GCSAML: variants seen among roughly 807,000 people sequenced by gnomAD.
GCSAML encodes the protein germinal center associated signaling and motility like, also known as germinal center-associated signaling and motility-like protein.
A neutral mutation model predicts 13.0 loss-of-function variants in GCSAML; 9 were observed. The ratio of observed to expected loss-of-function variants is 0.69; its 90% CI spans 0.42 to 1.21. GCSAML has a LOEUF of 1.21. GCSAML is among the 50% of genes most tolerant of loss of function. The pLI, the probability that GCSAML is intolerant of heterozygous loss-of-function variation, is 0.00. For synonymous variants in GCSAML, 37 were observed against 52.9 expected, an observed-to-expected ratio of 0.70 and a Z score of 1.31; for missense variants, 143 against 153.4, an observed-to-expected ratio of 0.93 and a Z score of 0.36.
chr1:247,549,905 C>T (rs1667708117), intron 1 of GCSAML, among the ~76,000 whole-genome samples: 2 of 152,220 alleles, frequency 1.3e-5, no homozygotes, highest in Non-Finnish European at 2.9e-5. Flanking sequence ...CATCCCACTC[C>T]TCTGTCCGCT....
intron 1 of GCSAML, among the ~76,000 whole-genome samples, chr1:247,552,916 C>T (rs1667827291): frequency 6.6e-6 from 1 of 152,050 alleles, no homozygotes. Flanking sequence ...CCACCATGCC[C>T]GTCTAAGTTT....
At chr1:247,561,517 G>A (rs868719521) in intron 2 of GCSAML, among the ~76,000 whole-genome samples, 6 of 151,960 alleles carry the variant, frequency 3.9e-5, no homozygotes, top group Non-Finnish European at 5.9e-5. Flanking sequence ...CTATATTTTT[G>A]TACCCATTAG....
At chr1:247,549,322 A>G in intron 1 of GCSAML, 102 bp downstream of exon 1, 2 of 1,035,750 alleles carry the variant, frequency 1.9e-6, no homozygotes, top group East Asian at 4.8e-5. Context: ...TTGTGCTTCT[A>G]GAAGGTTAAG....
At chr1:247,508,941 C>T (rs532130345) in intron 1 of GCSAML, among the ~76,000 whole-genome samples, 3 of 152,206 alleles carry the variant, frequency 2.0e-5, no homozygotes, top group Admixed American at 6.5e-5. Flanking sequence ...AGTGTGATAC[C>T]TCCAGCTTTG....
chr1:247,531,418 T>A, intron 2 of GCSAML: 2 of 847,220 alleles, frequency 2.4e-6, no homozygotes, highest in Non-Finnish European at 3.7e-6. Flanking sequence ...ATGAGCACAC[T>A]CCTTTCAGAT....
At chr1:247,561,147 T>G (rs2103053044) in intron 2 of GCSAML, among the ~76,000 whole-genome samples, 1 of 152,094 alleles carries the variant, frequency 6.6e-6, no homozygotes, top group East Asian at 1.9e-4. Flanking sequence ...ACAGACAGGG[T>G]TTTGCCATGT....
intron 2 of GCSAML, chr1:247,529,578 A>G (rs977831057): frequency 1.3e-5 from 2 of 152,246 alleles, no homozygotes; most frequent in African/African-American, 2.4e-5. Flanking sequence ...TACATGATGC[A>G]TAATAATCCA....
rs1221162642 is a variant in GCSAML at position 247,533,871 on chromosome 1, C to T, written c.-148+6817C>T. 2.0e-5 allele frequency: 3 copies of T among 152,122 alleles called. No homozygotes were observed. The East Asian group carries it at 5.8e-4, about 29-fold the overall frequency. 9.4% of individuals were successfully genotyped at this position (152,122 alleles called of 1,614,324 possible). On this transcript the variant is annotated intron_variant, in intron 2 of 5. Coordinates refer to the GCSAML transcript ENST00000366489. ...TTCAGAGGACAAAGGTGAAATTTTC[C>T]CTCACTCCTACGAAAGCAATCACAG...
At chr1:247,553,954 C>G (rs1157897030) in intron 1 of GCSAML, among the ~76,000 whole-genome samples, 1 of 152,134 alleles carries the variant, frequency 6.6e-6, no homozygotes, top group African/African-American at 2.4e-5. Context: ...TGCAATTTTA[C>G]TATAGTTTTA....
chr1:247,570,585 A>T (rs1668566220), intron 4 of GCSAML, among the ~76,000 whole-genome samples: 1 of 151,990 alleles, frequency 6.6e-6, no homozygotes, highest in South Asian at 2.1e-4. Flanking sequence ...TTTTGTTATG[A>T]TTTCTGTTCT....
chr1:247,565,754 C>A, intron 3 of GCSAML, 177 bp from the exon 4 acceptor site: 1 of 583,686 alleles, frequency 1.7e-6, no homozygotes, highest in South Asian at 2.3e-5. Flanking sequence ...TTCACTCAGT[C>A]TTGAGAACTT....
At chr1:247,530,370 T>A (rs936969063) in intron 2 of GCSAML, 1 of 152,080 alleles carries the variant, frequency 6.6e-6, no homozygotes, top group Non-Finnish European at 1.5e-5. Context: ...GTCCTTTAGA[T>A]ACACTGTATA....
At chr1:247,545,977 G>A (rs1223732492), upstream of GCSAML, among the ~76,000 whole-genome samples, 2 of 151,924 alleles carry the variant, frequency 1.3e-5, no homozygotes, top group Non-Finnish European at 2.9e-5. Context: ...AAATCACGAA[G>A]AGCTACAAGG....
In GCSAML at chr1:247,512,437, T is replaced by G. The variant is rs555491997; in HGVS notation, c.-263+5204T>G. On this transcript the variant is annotated intron_variant, in intron 1 of 5. Transcript: ENST00000366489. ...CCTTTTTTCAAGGTTCTTAGCTTCCTTGCATTGGGTTAGAACATGCTCCTT... is the reference window on the plus strand; with the variant it reads ...CCTTTTTTCAAGGTTCTTAGCTTCCGTGCATTGGGTTAGAACATGCTCCTT... Among the ~76,000 whole-genome samples the G allele has an allele frequency of 8.5e-5, 13 of 152,200 alleles. No homozygotes were observed. The South Asian group carries it at 1.9e-3, about 22-fold the overall frequency.
At chr1:247,513,940 C>G (rs1345141794) in intron 1 of GCSAML, among the ~76,000 whole-genome samples, 1 of 152,024 alleles carries the variant, frequency 6.6e-6, no homozygotes, top group Non-Finnish European at 1.5e-5. Flanking sequence ...AGCTGCAGAC[C>G]AGAACTGTTC....
chr1:247,550,116 C>G (rs978477051), intron 1 of GCSAML, among the ~76,000 whole-genome samples: 18 of 152,164 alleles, frequency 1.2e-4, no homozygotes, highest in African/African-American at 4.3e-4. Context: ...TTCTTCTTGA[C>G]CTCTCTGTGC....
rs771671989 is a variant in GCSAML, at chr1:247,575,998, T to G, written c.*1616T>G. 1.3e-5 allele frequency: 2 copies of G among 152,194 alleles called. No individual in the cohort carries two copies. Among genetic ancestry groups the G allele is most frequent in the Non-Finnish European group, 2.9e-5 (2 of 68,046 alleles). 9.4% of individuals were successfully genotyped at this position (152,194 alleles called of 1,614,324 possible). On this transcript the variant is annotated 3_prime_UTR_variant, in exon 5 of 5. Transcript: ENST00000366488. ...TTGAGTATCCCTTAGATGAGATGCT[T>G]GGGACCAGAAGTGTTTTGGATTTCA...
At chr1:247,540,893 A>G (rs1348598832) in intron 2 of GCSAML, among the ~76,000 whole-genome samples, 1 of 152,236 alleles carries the variant, frequency 6.6e-6, no homozygotes, top group Non-Finnish European at 1.5e-5. Flanking sequence ...CAAGGAAAAA[A>G]ACTCAAGAGC....
rs1317224260 is a variant in GCSAML at position 247,575,972 on chromosome 1, G to A, written c.*1590G>A. Reference sequence around the variant, plus strand: ...TTTTTTGTATAGTTACAGTATACGAGTTGAGTATCCCTTAGATGAGATGCT... The same window carrying A: ...TTTTTTGTATAGTTACAGTATACGAATTGAGTATCCCTTAGATGAGATGCT... On this transcript the variant is annotated 3_prime_UTR_variant, in exon 5 of 5. Coordinates refer to ENST00000366488, the MANE Select transcript of GCSAML (RefSeq NM_145278.5). 6.6e-6 allele frequency: 1 copy of A among 152,130 alleles called. No homozygotes were observed. Among genetic ancestry groups the A allele is most frequent in the African/African-American group, 2.4e-5 (1 of 41,432 alleles). The allele number at this position is 152,130 out of a possible 1,614,324, so 9.4% of individuals were successfully genotyped here. A position where few individuals can be genotyped will look rare whatever the true frequency, so the allele number is the denominator to read the frequency against.
Sources: allele counts gnomAD v4.1 joint callset (sites outside exome capture counted in the v4.1 genomes callset), GRCh38; gene constraint gnomAD v4.1.1; transcripts MANE v1.5; gene names NCBI Gene and HGNC (gene_info 2026-07-23, HGNC 2026-07-21).